Variants in KIF16B observed in about 807,000 individuals in gnomAD.
KIF16B encodes kinesin-like protein KIF16B.
KIF16B carries 98 observed loss-of-function variants against 156.3 expected under a neutral mutation model. The ratio of observed to expected loss-of-function variants is 0.63; its 90% CI spans 0.53 to 0.74. The LOEUF (loss-of-function observed/expected upper bound fraction) is 0.74. KIF16B is among the 30% of genes least tolerant of loss of function. The pLI is 0.00. For synonymous variants in KIF16B, 564 were observed against 583.7 expected (o/e 0.97, Z 0.49); for missense variants, 1,421 against 1,606.5 (o/e 0.88, Z 1.97).
intron 12 of KIF16B, among the ~76,000 whole-genome samples, chr20:16,439,791 A>G (rs921536647): frequency 1.3e-5 from 2 of 152,182 alleles, no homozygotes; most frequent in Non-Finnish European, 2.9e-5. Context: ...GAGCTTGTGC[A>G]GGGAAACTCC....
At chr20:16,375,236 T>C (rs1435609828) in intron 19 of KIF16B, among the ~76,000 whole-genome samples, 1 of 152,246 alleles carries the variant, frequency 6.6e-6, no homozygotes, top group Admixed American at 6.5e-5. Context: ...GTCCACTCAC[T>C]GTGTGAGCTT....
intron 1 of KIF16B, among the ~76,000 whole-genome samples, chr20:16,571,002 G>A (rs753245685): frequency 3.9e-5 from 6 of 152,132 alleles, no homozygotes; most frequent in Non-Finnish European, 7.3e-5. Context: ...TCTAGCAGAG[G>A]GATGGATGTC....
intron 15 of KIF16B, among the ~76,000 whole-genome samples, chr20:16,422,031 A>G (rs530473056): frequency 6.6e-6 from 1 of 152,148 alleles, no homozygotes; most frequent in Non-Finnish European, 1.5e-5. Context: ...TGAATCATTA[A>G]CCAGAATAGG....
chr20:16,464,124 A>G (rs1338066713), intron 12 of KIF16B, among the ~76,000 whole-genome samples: 2 of 152,196 alleles, frequency 1.3e-5, no homozygotes, highest in Non-Finnish European at 2.9e-5. Flanking sequence ...CAAAAGGTAC[A>G]ATACTTATGT....
At chr20:16,297,565 G>A (rs558010209) in intron 25 of KIF16B, among the ~76,000 whole-genome samples, 20 of 151,942 alleles carry the variant, frequency 1.3e-4, no homozygotes, top group East Asian at 3.9e-4. Context: ...GCGTGGTGGC[G>A]GGCACCTGTA....
At chr20:16,403,860 GT>G (rs1467242678) in intron 17 of KIF16B, among the ~76,000 whole-genome samples, 1 of 152,194 alleles carries the variant, frequency 6.6e-6, no homozygotes, top group Non-Finnish European at 1.5e-5. Context: ...AGGGTTGGGG[GT>G]GAGGGAGCAA....
At chr20:16,322,908 T>A (rs772691158) in intron 24 of KIF16B, among the ~76,000 whole-genome samples, 2 of 151,980 alleles carry the variant, frequency 1.3e-5, no homozygotes, top group African/African-American at 2.4e-5. Flanking sequence ...TAAGCCATTT[T>A]GATAAATGGC....
chr20:16,334,042 C>A (rs1045407578), intron 24 of KIF16B, among the ~76,000 whole-genome samples: 1 of 152,148 alleles, frequency 6.6e-6, no homozygotes, highest in East Asian at 1.9e-4. Flanking sequence ...AATTTTTGTT[C>A]TTGTCTGTCA....
intron 6 of KIF16B, 116 bp from the exon 7 acceptor site, chr20:16,508,216 C>T: frequency 8.5e-7 from 1 of 1,173,204 alleles, no homozygotes; most frequent in Non-Finnish European, 1.2e-6. Flanking sequence ...TGTCTGAAGA[C>T]CTCACTTGTC....
intron 24 of KIF16B, among the ~76,000 whole-genome samples, chr20:16,325,270 A>G (rs548675092): frequency 1.3e-5 from 2 of 151,904 alleles, no homozygotes; most frequent in African/African-American, 2.4e-5. Context: ...ACTTTCACCA[A>G]TTCTATTCAG....
intron 1 of KIF16B, among the ~76,000 whole-genome samples, chr20:16,553,334 C>G (rs565270495): frequency 6.6e-6 from 1 of 152,204 alleles, no homozygotes; most frequent in Non-Finnish European, 1.5e-5. Flanking sequence ...CTGACCCCCA[C>G]GCTGTCACGC....
At chr20:16,283,460 T>C (rs970449977) in intron 25 of KIF16B, among the ~76,000 whole-genome samples, 1 of 152,020 alleles carries the variant, frequency 6.6e-6, no homozygotes, top group East Asian at 1.9e-4. Flanking sequence ...AAGTCCCCAG[T>C]GTGTAGGCGG....
At chr20:16,518,379 T>G (rs1442383028) in intron 3 of KIF16B, among the ~76,000 whole-genome samples, 1 of 152,210 alleles carries the variant, frequency 6.6e-6, no homozygotes, top group Non-Finnish European at 1.5e-5. Context: ...CTGGCTGGCC[T>G]GGTTACCTGA....
At chr20:16,436,910 T>C (rs1244015441) in intron 12 of KIF16B, among the ~76,000 whole-genome samples, 1 of 152,172 alleles carries the variant, frequency 6.6e-6, no homozygotes, top group South Asian at 2.1e-4. Context: ...GCTAAAAACA[T>C]GGGCAAACAG....
intron 3 of KIF16B, 120 bp downstream of exon 3, chr20:16,525,972 T>G: frequency 1.8e-6 from 1 of 569,304 alleles, no homozygotes; most frequent in Admixed American, 3.2e-5. Flanking sequence ...CAAAGGCTAA[T>G]TTTATACAAA....
At chr20:16,294,057 C>T (rs1285371342) in intron 25 of KIF16B, among the ~76,000 whole-genome samples, 1 of 151,898 alleles carries the variant, frequency 6.6e-6, no homozygotes, top group Non-Finnish European at 1.5e-5. Context: ...GAAGAAAATA[C>T]CAAAATGAAA....
chr20:16,379,475 G>A lies in KIF16B; in HGVS notation c.2527C>T (p.Leu843=), dbSNP rs1296977703. 3.7e-6 allele frequency: 6 copies of A among 1,614,054 alleles called. No individual in the cohort carries two copies. The South Asian group carries it at 6.6e-5, about 18-fold the overall frequency. The change falls in exon 19 of 26, where the codon CTG becomes TTG. Residue 843 remains leucine, a synonymous_variant. Transcript: ENST00000354981. Reference sequence around the variant, plus strand: ...TTCAGGATGTCTTTCTGCTGAACCAGGTCCTTCTCCAAGTTCACTAGCTTG... The same window carrying A: ...TTCAGGATGTCTTTCTGCTGAACCAAGTCCTTCTCCAAGTTCACTAGCTTG... ...LVKLVNLEKD[L]VQQKDILKKE... is the part of the protein sequence containing the mutation.
Position 16,506,099 on chromosome 20 carries a change from G to T in KIF16B, c.791C>A (p.Ala264Asp). The T allele has an allele frequency of 1.9e-6, 3 of 1,614,012 alleles. No individual in the cohort carries two copies. The highest frequency in any genetic ancestry group is 2.5e-6 in the Non-Finnish European group (3 of 1,179,922). The change falls in exon 8 of 26, where the codon GCC becomes GAC. Residue 264 changes from alanine to aspartate, a missense_variant. Ala to Asp is a moderately radical substitution (Grantham distance 126). Transcript: ENST00000354981. The part of the protein sequence containing the change: ...AGSERADATG[A>D]TGVRLKEGGN... ...CCCTTCCTTTAGCCTAACCCCGGTG[G>T]CTCCGGTGGCATCTGCACGCTCACT... is the stretch of plus-strand genomic sequence containing the variant.
intron 6 of KIF16B, among the ~76,000 whole-genome samples, chr20:16,510,204 T>C (rs964168253): frequency 2.6e-5 from 4 of 152,210 alleles, no homozygotes; most frequent in Non-Finnish European, 4.4e-5. Context: ...TGTTTTAACA[T>C]GTGATAAGAC....
Sources: allele counts gnomAD v4.1 joint callset (sites outside exome capture counted in the v4.1 genomes callset), GRCh38; gene constraint gnomAD v4.1.1; transcripts MANE v1.5; gene names NCBI Gene and HGNC (gene_info 2026-07-23, HGNC 2026-07-21).